Variants in RNGTT observed in about 807,000 individuals in gnomAD.
RNGTT encodes the protein RNA guanylyltransferase and 5'-phosphatase.
RNGTT carries 33 observed loss-of-function variants against 79.3 expected under a neutral mutation model. That is an observed-to-expected ratio of 0.42 (90% CI 0.32 to 0.56). The LOEUF is 0.56. RNGTT is among the 20% of genes least tolerant of loss of function. The pLI, the probability that RNGTT is intolerant of heterozygous loss-of-function variation, is 0.17. For synonymous variants in RNGTT, 222 were observed against 235.9 expected (o/e 0.94, Z 0.54); for missense variants, 497 against 739.1 (o/e 0.67, Z 3.80).
At chr6:88,887,413 T>C (rs932101481) in intron 8 of RNGTT, among the ~76,000 whole-genome samples, 12 of 152,216 alleles carry the variant, frequency 7.9e-5, no homozygotes, top group African/African-American at 2.9e-4. Context: ...AAGTCCCTCT[T>C]CCATGCTACT....
intron 13 of RNGTT, among the ~76,000 whole-genome samples, chr6:88,722,748 C>A: frequency 6.6e-6 from 1 of 152,158 alleles, no homozygotes; most frequent in East Asian, 1.9e-4. Context: ...TAACTATAGT[C>A]ATGAGCCTCA....
intron 12 of RNGTT, among the ~76,000 whole-genome samples, chr6:88,775,557 G>A (rs1238778901): frequency 6.6e-6 from 1 of 152,154 alleles, no homozygotes; most frequent in East Asian, 1.9e-4. Flanking sequence ...AACCACAGAA[G>A]ACGGTACAGT....
intron 8 of RNGTT, among the ~76,000 whole-genome samples, chr6:88,872,654 T>C (rs1782393698): frequency 6.6e-6 from 1 of 152,114 alleles, no homozygotes; most frequent in African/African-American, 2.4e-5. Context: ...TTTTAAACTG[T>C]TATATTTTGG....
chr6:88,960,932 G>T (rs914254550), intron 1 of RNGTT, among the ~76,000 whole-genome samples: 1 of 152,200 alleles, frequency 6.6e-6, no homozygotes, highest in African/African-American at 2.4e-5. Flanking sequence ...AAATTACTGT[G>T]ATGGTTAATA....
At chr6:88,771,724 TG>T (rs1254750444) in intron 12 of RNGTT, among the ~76,000 whole-genome samples, 5 of 152,238 alleles carry the variant, frequency 3.3e-5, no homozygotes, top group African/African-American at 1.2e-4. Flanking sequence ...ATCTTAACAA[TG>T]TTCTGTAGTA....
intron 8 of RNGTT, among the ~76,000 whole-genome samples, chr6:88,882,692 G>C (rs1452978236): frequency 6.6e-6 from 1 of 152,198 alleles, no homozygotes; most frequent in East Asian, 1.9e-4. Flanking sequence ...CAAGGGCTCT[G>C]CCCTCATGCA....
intron 13 of RNGTT, among the ~76,000 whole-genome samples, chr6:88,710,855 T>A (rs949407941): frequency 6.6e-6 from 1 of 152,344 alleles, no homozygotes; most frequent in African/African-American, 2.4e-5. Context: ...TGATTTTTTT[T>A]AAAGTTAGAC....
chr6:88,699,505 G>C (rs1701013888), intron 13 of RNGTT, among the ~76,000 whole-genome samples: 1 of 151,972 alleles, frequency 6.6e-6, no homozygotes, highest in Non-Finnish European at 1.5e-5. Flanking sequence ...ATAACACAGT[G>C]AGACCTCGTC....
At chr6:88,695,305 A>C (rs371463275) in intron 13 of RNGTT, among the ~76,000 whole-genome samples, 9 of 152,174 alleles carry the variant, frequency 5.9e-5, no homozygotes, top group African/African-American at 2.2e-4. Flanking sequence ...GAACTCAAAA[A>C]AACTCAAAAG....
intron 14 of RNGTT, among the ~76,000 whole-genome samples, chr6:88,624,539 G>A (rs1012680579): frequency 6.6e-6 from 1 of 151,750 alleles, no homozygotes; most frequent in Non-Finnish European, 1.5e-5. Context: ...CATAAAATAC[G>A]CATCTCAATC....
intron 11 of RNGTT, among the ~76,000 whole-genome samples, chr6:88,839,224 G>T (rs1422566734): frequency 6.6e-6 from 1 of 152,034 alleles, no homozygotes; most frequent in Non-Finnish European, 1.5e-5. Flanking sequence ...AGACTTAAGA[G>T]ATACTGTCAA....
intron 14 of RNGTT, among the ~76,000 whole-genome samples, chr6:88,650,135 A>ATCTT (rs894622497): frequency 2.2e-4 from 34 of 152,218 alleles, no homozygotes; most frequent in African/African-American, 7.5e-4. Flanking sequence ...AGCATGGAAG[A>ATCTT]GTTCATCACT....
At position 88,821,307 on chromosome 6, in the gene RNGTT, G is replaced by A. The variant is rs573633498; in HGVS notation, c.1270-19675C>T. Among the ~76,000 whole-genome samples, 6 of 152,200 alleles carry A rather than the reference G, an allele frequency of 3.9e-5. No homozygotes were observed. In the East Asian group the frequency reaches 1.2e-3, roughly 29 times the overall value. ...ATGATTTGTGTATGTTTCAGTGTGTGTTATACATCCCCAAGCAAAAGTCTG... is the reference window on the plus strand; with the variant it reads ...ATGATTTGTGTATGTTTCAGTGTGTATTATACATCCCCAAGCAAAAGTCTG... On this transcript the variant is annotated intron_variant, in intron 11 of 15. Transcript: ENST00000369485.
At chr6:88,752,653 T>C (rs999158295) in intron 13 of RNGTT, among the ~76,000 whole-genome samples, 1 of 152,148 alleles carries the variant, frequency 6.6e-6, no homozygotes, top group Non-Finnish European at 1.5e-5. Flanking sequence ...AATACAAACT[T>C]AGGAAGACAA....
At position 88,890,704 on chromosome 6, in the gene RNGTT, T is replaced by C. The variant is rs575095237; in HGVS notation, c.795-108A>G. ...CACATTTATCACAATGTTCTCCCTA[T>C]GATGAGATTAATGTCAGCTGGAATA... On this transcript the variant is annotated intron_variant, in intron 7 of 15. Coordinates refer to ENST00000369485, the MANE Select transcript of RNGTT (RefSeq NM_003800.5). 9.3e-5 allele frequency: 56 copies of C among 602,948 alleles called. 1 individual carries two copies. In the South Asian group the frequency reaches 1.5e-3, roughly 17 times the overall value. The allele number at this position is 602,948 out of a possible 1,614,324, so 37.3% of individuals were successfully genotyped here.
At chr6:88,744,273 T>G (rs1018403642) in intron 13 of RNGTT, among the ~76,000 whole-genome samples, 2 of 152,108 alleles carry the variant, frequency 1.3e-5, no homozygotes, top group Admixed American at 6.6e-5. Flanking sequence ...ATTTATTTAT[T>G]TTTTTGAGAC....
At chr6:88,721,051 A>G (rs1776692642) in intron 13 of RNGTT, among the ~76,000 whole-genome samples, 1 of 152,212 alleles carries the variant, frequency 6.6e-6, no homozygotes, top group African/African-American at 2.4e-5. Flanking sequence ...TTTCCATTCA[A>G]TATAGGCATT....
intron 14 of RNGTT, among the ~76,000 whole-genome samples, chr6:88,676,371 G>GA (rs1416404974): frequency 2.0e-5 from 3 of 149,852 alleles, no homozygotes; most frequent in Non-Finnish European, 3.0e-5. Flanking sequence ...TAACATTCTG[G>GA]AAAAAAAAGA....
At chr6:88,761,178 C>A (rs1246067627) in intron 13 of RNGTT, among the ~76,000 whole-genome samples, 2 of 151,946 alleles carry the variant, frequency 1.3e-5, no homozygotes, top group Non-Finnish European at 2.9e-5. Flanking sequence ...AATGTGCAGA[C>A]CTTACCTGGT....
Sources: gnomAD v4.1 joint callset for allele counts (sites outside exome capture counted in the v4.1 genomes callset) on GRCh38, gnomAD v4.1.1 for gene constraint, MANE v1.5 for transcripts, NCBI Gene and HGNC (gene_info 2026-07-23, HGNC 2026-07-21) for gene names.